RERG: variants seen among roughly 807,000 people sequenced by gnomAD.
The protein encoded by RERG is ras-related and estrogen-regulated growth inhibitor.
In RERG, 25 loss-of-function variants were observed where a neutral mutation model predicts 23.2. The ratio of observed to expected loss-of-function variants is 1.08; its 90% CI spans 0.79 to 1.50. The LOEUF is 1.50. Ranked by LOEUF, RERG falls within the 40% of genes most tolerant of loss-of-function variation. The pLI is 0.00. For synonymous variants in RERG, 81 were observed against 89.1 expected, an observed-to-expected ratio of 0.91 and a Z score of 0.51; for missense variants, 253 against 250.1, an observed-to-expected ratio of 1.01 and a Z score of -0.08.
chr12:15,200,152 T>A (rs1591667928), intron 2 of RERG, among the ~76,000 whole-genome samples: 1 of 152,228 alleles, frequency 6.6e-6, no homozygotes, highest in East Asian at 1.9e-4. Context: ...CTACATTGCA[T>A]AATTAAAGAT....
At chr12:15,134,354 C>T (rs940264026) in intron 2 of RERG, among the ~76,000 whole-genome samples, 6 of 152,144 alleles carry the variant, frequency 3.9e-5, no homozygotes, top group African/African-American at 1.4e-4. Context: ...GTTCCAACAT[C>T]ATTTGTTAAA....
At chr12:15,138,366 A>AT (rs1864179482) in intron 2 of RERG, among the ~76,000 whole-genome samples, 1 of 151,782 alleles carries the variant, frequency 6.6e-6, no homozygotes, top group African/African-American at 2.4e-5. Flanking sequence ...TCTGTCCTAT[A>AT]TTTTTCAGTG....
chr12:15,138,486 A>G (rs1394679435), intron 2 of RERG, among the ~76,000 whole-genome samples: 1 of 152,032 alleles, frequency 6.6e-6, no homozygotes, highest in East Asian at 1.9e-4. Context: ...GACTGAGGAA[A>G]AAGGCATTTA....
intron 2 of RERG, among the ~76,000 whole-genome samples, chr12:15,135,753 C>T (rs1289518664): frequency 6.6e-6 from 1 of 152,058 alleles, no homozygotes; most frequent in East Asian, 1.9e-4. Context: ...ATAAATTCCA[C>T]TTGGTCATGG....
chr12:15,206,341 G>C (rs1460109700), intron 2 of RERG, among the ~76,000 whole-genome samples: 2 of 152,022 alleles, frequency 1.3e-5, no homozygotes, highest in Middle Eastern at 3.2e-3. Flanking sequence ...CTCCATAAAG[G>C]CAGAGAGCTC....
intron 2 of RERG, among the ~76,000 whole-genome samples, chr12:15,200,451 T>A (rs1003622218): frequency 6.6e-6 from 1 of 152,072 alleles, no homozygotes; most frequent in African/African-American, 2.4e-5. Context: ...GTCTTTTGCA[T>A]TTATGAAAAG....
At chr12:15,126,153 G>GTA (rs1565510626) in intron 2 of RERG, among the ~76,000 whole-genome samples, 1 of 125,056 alleles carries the variant, frequency 8.0e-6, no homozygotes, top group African/African-American at 3.0e-5. Flanking sequence ...ATATATATAT[G>GTA]TATTTACACA....
intron 2 of RERG, among the ~76,000 whole-genome samples, chr12:15,148,976 C>CA (rs1864389200): frequency 6.7e-6 from 1 of 148,306 alleles, no homozygotes; most frequent in African/African-American, 2.5e-5. Context: ...TCATGCCATT[C>CA]TCCTGCCTCA....
At chr12:15,186,837 G>T (rs1483124783) in intron 2 of RERG, among the ~76,000 whole-genome samples, 4 of 152,214 alleles carry the variant, frequency 2.6e-5, no homozygotes, top group Non-Finnish European at 5.9e-5. Context: ...CAGCTGGGAA[G>T]AGTCGATGGC....
At chr12:15,215,221 G>A (rs948307211) in intron 2 of RERG, among the ~76,000 whole-genome samples, 2 of 152,186 alleles carry the variant, frequency 1.3e-5, no homozygotes, top group Non-Finnish European at 2.9e-5. Context: ...TAAAATTCAG[G>A]TCAGCAGAAT....
chr12:15,182,946 G>A (rs1864943741), intron 2 of RERG, among the ~76,000 whole-genome samples: 1 of 152,018 alleles, frequency 6.6e-6, no homozygotes, highest in Non-Finnish European at 1.5e-5. Flanking sequence ...GCATGGTGGT[G>A]TGTGCCTGTG....
chr12:15,131,855 T>C (rs2136095993), intron 2 of RERG, among the ~76,000 whole-genome samples: 1 of 152,210 alleles, frequency 6.6e-6, no homozygotes, highest in Non-Finnish European at 1.5e-5. Flanking sequence ...AACAGTAGGG[T>C]GTCTCCATTT....
chr12:15,109,780 T>C (rs1863571165), intron 4 of RERG, among the ~76,000 whole-genome samples: 1 of 152,198 alleles, frequency 6.6e-6, no homozygotes, highest in Non-Finnish European at 1.5e-5. Flanking sequence ...TGCCATATCA[T>C]TAAATCTGTA....
chr12:15,130,951 G>A, intron 2 of RERG, among the ~76,000 whole-genome samples: 1 of 152,040 alleles, frequency 6.6e-6, no homozygotes, highest in East Asian at 1.9e-4. Flanking sequence ...GTAAGGTAAA[G>A]GTTAATCTGA....
chr12:15,150,071 G>C (rs544108716), intron 2 of RERG, among the ~76,000 whole-genome samples: 1 of 152,282 alleles, frequency 6.6e-6, no homozygotes, highest in African/African-American at 2.4e-5. Flanking sequence ...GGAAAGGACG[G>C]GGAGGGAGAG....
intron 2 of RERG, among the ~76,000 whole-genome samples, chr12:15,187,655 T>G (rs957746423): frequency 6.6e-6 from 1 of 152,092 alleles, no homozygotes; most frequent in African/African-American, 2.4e-5. Context: ...TCCTGCCTTA[T>G]TCAAGCAATT....
At chr12:15,137,858 C>T (rs1864170183) in intron 2 of RERG, 1 of 444,804 alleles carries the variant, frequency 2.2e-6, no homozygotes, top group Non-Finnish European at 4.5e-6. Context: ...CTGTAATGCT[C>T]TTCCTTTCTT....
chr12:15,136,114 T>G (rs1207401402), intron 2 of RERG, among the ~76,000 whole-genome samples: 1 of 152,050 alleles, frequency 6.6e-6, no homozygotes, highest in Non-Finnish European at 1.5e-5. Flanking sequence ...TCTTCTTGTG[T>G]GAGTTTGGTA....
At chr12:15,204,446 G>A (rs1242119655) in intron 2 of RERG, among the ~76,000 whole-genome samples, 1 of 151,706 alleles carries the variant, frequency 6.6e-6, no homozygotes, top group Non-Finnish European at 1.5e-5. Flanking sequence ...AGACTTAAAT[G>A]TAAAACTTGG....
Sources: allele counts gnomAD v4.1 joint callset (sites outside exome capture counted in the v4.1 genomes callset), GRCh38; gene constraint gnomAD v4.1.1; transcripts MANE v1.5; gene names NCBI Gene and HGNC (gene_info 2026-07-23, HGNC 2026-07-21).